Variants in PLD5 observed in about 807,000 individuals in gnomAD.
The protein encoded by PLD5 is phospholipase D family member 5.
Under a neutral mutation model 61.1 loss-of-function variants are expected in PLD5, and 36 were observed. That is an observed-to-expected ratio of 0.59 (90% CI 0.45 to 0.78). The LOEUF (loss-of-function observed/expected upper bound fraction) is 0.78, where lower values mean the gene tolerates loss of function less well. Ranked by LOEUF, PLD5 falls within the 30% of genes least tolerant of loss-of-function variation. PLD5 has a pLI of 0.00. For missense variants in PLD5, 515 were observed against 644.4 expected, an observed-to-expected ratio of 0.80 and a Z score of 2.17; for synonymous variants, 243 against 242.8, an observed-to-expected ratio of 1.00 and a Z score of -0.01.
At chr1:242,370,832 G>A (rs977163178) in intron 1 of PLD5, among the ~76,000 whole-genome samples, 8 of 152,138 alleles carry the variant, frequency 5.3e-5, no homozygotes, top group African/African-American at 1.9e-4. Flanking sequence ...TTGATAAGGT[G>A]AGGGCTATTT....
chr1:242,519,204 T>G (rs1031832386), intron 1 of PLD5, among the ~76,000 whole-genome samples: 1 of 152,214 alleles, frequency 6.6e-6, no homozygotes, highest in Non-Finnish European at 1.5e-5. Flanking sequence ...AGTATTTTCA[T>G]GGATCTGCTC....
chr1:242,309,839 G>T (rs553073584), intron 2 of PLD5, among the ~76,000 whole-genome samples: 2 of 124,166 alleles, frequency 1.6e-5, no homozygotes, highest in African/African-American at 5.6e-5. Flanking sequence ...GCAAGCTCCT[G>T]CCTGACGGGA....
At chr1:242,131,049 T>C (rs951956414) in intron 5 of PLD5, among the ~76,000 whole-genome samples, 2 of 152,150 alleles carry the variant, frequency 1.3e-5, no homozygotes, top group African/African-American at 4.8e-5. Context: ...CTCACGCCTG[T>C]AATCCCAGCA....
chr1:242,275,366 A>T (rs1674355673), intron 3 of PLD5, among the ~76,000 whole-genome samples: 1 of 152,034 alleles, frequency 6.6e-6, no homozygotes, highest in Non-Finnish European at 1.5e-5. Context: ...ATTTACTTAT[A>T]TTACTTATAT....
chr1:242,433,639 C>G (rs1205529560), intron 1 of PLD5, among the ~76,000 whole-genome samples: 1 of 152,236 alleles, frequency 6.6e-6, no homozygotes, highest in Admixed American at 6.5e-5. Context: ...TCTGGAGAAG[C>G]TAATGCTTAG....
intron 1 of PLD5, among the ~76,000 whole-genome samples, chr1:242,402,157 C>T (rs1300278917): frequency 6.6e-6 from 1 of 152,138 alleles, no homozygotes; most frequent in Admixed American, 6.5e-5. Flanking sequence ...ATTTCAGGCA[C>T]AAGGTTAGTC....
At position 242,165,623 on chromosome 1, in the gene PLD5, C is replaced by A. The variant is rs183939595; in HGVS notation, c.736-40958G>T. On this transcript the variant is annotated intron_variant, in intron 5 of 9. Transcript: ENST00000536534. ...GGAAAAGATAAAAGCTGATGCTATT[C>A]TAAAATACAGTAAATTCTTATAATT... Among the ~76,000 whole-genome samples, 4 of 152,300 alleles carry A rather than the reference C, an allele frequency of 2.6e-5. No homozygotes were observed. The East Asian group carries it at 5.8e-4, about 22-fold the overall frequency.
At chr1:242,496,770 C>G (rs1668383878) in intron 1 of PLD5, among the ~76,000 whole-genome samples, 1 of 152,324 alleles carries the variant, frequency 6.6e-6, no homozygotes, top group Admixed American at 6.5e-5. Context: ...AATATCTGCC[C>G]TCACAAAACA....
chr1:242,162,066 T>TTAAAG (rs1402957424), intron 5 of PLD5, among the ~76,000 whole-genome samples: 3 of 152,292 alleles, frequency 2.0e-5, no homozygotes, highest in East Asian at 3.9e-4. Flanking sequence ...ATACGTTTTT[T>TTAAAG]TAAAGTATAA....
At chr1:242,120,319 T>C (rs1258232565) in intron 6 of PLD5, among the ~76,000 whole-genome samples, 1 of 152,146 alleles carries the variant, frequency 6.6e-6, no homozygotes, top group East Asian at 1.9e-4. Flanking sequence ...TTTATTTTTA[T>C]TTTTTGTATT....
chr1:242,355,935 G>GA (rs1399159064), intron 1 of PLD5, among the ~76,000 whole-genome samples: 2 of 151,154 alleles, frequency 1.3e-5, no homozygotes, highest in African/African-American at 2.4e-5. Context: ...ATTGTGATCA[G>GA]AAAAAAATAC....
At chr1:242,195,683 T>A (rs1415022304) in intron 5 of PLD5, among the ~76,000 whole-genome samples, 1 of 152,202 alleles carries the variant, frequency 6.6e-6, no homozygotes, top group Non-Finnish European at 1.5e-5. Flanking sequence ...TCTCTACATT[T>A]CAGGGAGGCT....
At chr1:242,342,144 GGGA>G (rs1659870027) in intron 2 of PLD5, among the ~76,000 whole-genome samples, 1 of 152,208 alleles carries the variant, frequency 6.6e-6, no homozygotes, top group Non-Finnish European at 1.5e-5. Context: ...CCTGAAGTCA[GGGA>G]GGAGAAGGAT....
At chr1:242,258,044 G>T (rs1192238009) in intron 4 of PLD5, among the ~76,000 whole-genome samples, 1 of 152,130 alleles carries the variant, frequency 6.6e-6, no homozygotes, top group African/African-American at 2.4e-5. Context: ...TATCTTTCTT[G>T]TCTATCCCAG....
At chr1:242,450,379 A>G (rs1389709114) in intron 1 of PLD5, among the ~76,000 whole-genome samples, 1 of 151,832 alleles carries the variant, frequency 6.6e-6, no homozygotes, top group South Asian at 2.1e-4. Flanking sequence ...CATCTATTCC[A>G]CTCTAGAATA....
chr1:242,512,221 C>A (rs1034573260), intron 1 of PLD5, among the ~76,000 whole-genome samples: 16 of 150,052 alleles, frequency 1.1e-4, no homozygotes, highest in African/African-American at 2.0e-4. Context: ...ACCATCCTGG[C>A]TAACACGGTG....
At chr1:242,152,844 T>A (rs904823514) in intron 5 of PLD5, among the ~76,000 whole-genome samples, 1 of 152,232 alleles carries the variant, frequency 6.6e-6, no homozygotes, top group Non-Finnish European at 1.5e-5. Context: ...TATAGTGGAA[T>A]GATTTATAAT....
At chr1:242,431,796 T>C (rs1665733120) in intron 1 of PLD5, among the ~76,000 whole-genome samples, 1 of 152,248 alleles carries the variant, frequency 6.6e-6, no homozygotes, top group Admixed American at 6.5e-5. Flanking sequence ...CCAGATGTCC[T>C]AAGTACTCTG....
rs1022539243 is a variant in PLD5, at chr1:242,264,465, C to T, written c.607+872G>A. On this transcript the variant is annotated intron_variant, in intron 4 of 9. Coordinates refer to ENST00000536534, the MANE Select transcript of PLD5 (RefSeq NM_001372062.1). ...TTCAGGAGGAAGGGCCGCTGGGGCTCACTTATTTGATTCCTGTTCTGTTCC... is the reference window on the plus strand; with the variant it reads ...TTCAGGAGGAAGGGCCGCTGGGGCTTACTTATTTGATTCCTGTTCTGTTCC... Among the ~76,000 whole-genome samples, 17 of 152,232 alleles carry T rather than the reference C, an allele frequency of 1.1e-4. 1 individual carries two copies. In the South Asian group the frequency reaches 3.5e-3, roughly 32 times the overall value.
Sources: gnomAD v4.1 joint callset for allele counts (sites outside exome capture counted in the v4.1 genomes callset) on GRCh38, gnomAD v4.1.1 for gene constraint, MANE v1.5 for transcripts, NCBI Gene and HGNC (gene_info 2026-07-23, HGNC 2026-07-21) for gene names.